Variants in PPP1CC observed in about 807,000 individuals in gnomAD.
PPP1CC encodes protein phosphatase 1 catalytic subunit gamma, also known as serine/threonine-protein phosphatase PP1-gamma catalytic subunit.
A neutral mutation model predicts 38.4 loss-of-function variants in PPP1CC; 16 were observed. That is an observed-to-expected ratio of 0.42 (90% CI 0.28 to 0.63). The LOEUF is 0.63. PPP1CC is among the 30% of genes least tolerant of loss of function. The pLI is 0.25. For missense variants in PPP1CC, 170 were observed against 391.3 expected (o/e 0.43, Z 4.77); for synonymous variants, 158 against 136.0 (o/e 1.16, Z -1.13).
chr12:110,738,289 C>G lies in PPP1CC; in HGVS notation c.55+4364G>C, dbSNP rs140081082. 6.8e-3 allele frequency among the ~76,000 whole-genome samples: 1,034 copies of G among 152,302 alleles called. 1 individual carries two copies. The highest frequency in any genetic ancestry group is 9.3e-3 in the Non-Finnish European group (631 of 68,010). On this transcript the variant is annotated intron_variant, in intron 1 of 6. Coordinates refer to ENST00000335007, the MANE Select transcript of PPP1CC (RefSeq NM_002710.4). Reference sequence around the variant, plus strand: ...AGGTATGATCTTAAAATATCAAACTCTATCCTGGAATTCCATAAGCTCCAT... The same window carrying G: ...AGGTATGATCTTAAAATATCAAACTGTATCCTGGAATTCCATAAGCTCCAT...
Position 110,742,754 on chromosome 12 carries a change from GC to G in PPP1CC, c.-48del. 1 of 1,358,088 alleles carries G rather than the reference GC, an allele frequency of 7.4e-7. No individual in the cohort carries two copies. Among genetic ancestry groups the G allele is most frequent in the Non-Finnish European group, 9.6e-7 (1 of 1,042,094 alleles). The allele number at this position is 1,358,088 out of a possible 1,614,324, so 84.1% of individuals were successfully genotyped here. ...CCCGCAGCGGCGCCGCCGCCGGCTCGCGCCCGGGACTCACACCTCCTTTCCC... is the reference window on the plus strand; with the variant it reads ...CCCGCAGCGGCGCCGCCGCCGGCTCGGCCCGGGACTCACACCTCCTTTCCC... On this transcript the variant is annotated 5_prime_UTR_variant, in exon 1 of 7. Coordinates refer to ENST00000335007, the MANE Select transcript of PPP1CC (RefSeq NM_002710.4).
chr12:110,721,088 T>C lies in PPP1CC; in HGVS notation c.960A>G (p.Gln320=). 6.2e-7 allele frequency: 1 copy of C among 1,613,888 alleles called. No homozygotes were observed. Among genetic ancestry groups the C allele is most frequent in the Non-Finnish European group, 8.5e-7 (1 of 1,179,742 alleles). Residue 320 remains glutamine (Q), a synonymous_variant, in exon 7 of 7, where the codon CAA becomes CAG. Coordinates refer to ENST00000335007, the MANE Select transcript of PPP1CC (RefSeq NM_002710.4). ...VTPPRGMITK[Q]AKK Reference sequence around the variant, plus strand: ...GTCAAAACGACATCTATTTCTTTGCTTGCTTTGTGATCATACCCCTTGGAG... The same window carrying C: ...GTCAAAACGACATCTATTTCTTTGCCTGCTTTGTGATCATACCCCTTGGAG...
chr12:110,734,356 A>G (rs1395332593), intron 1 of PPP1CC, among the ~76,000 whole-genome samples: 2 of 152,110 alleles, frequency 1.3e-5, no homozygotes, highest in Non-Finnish European at 2.9e-5. Context: ...ATATTTATTT[A>G]TTTAGAGACG....
intron 1 of PPP1CC, among the ~76,000 whole-genome samples, chr12:110,737,956 C>T (rs2069967074): frequency 1.3e-5 from 2 of 151,704 alleles, no homozygotes; most frequent in Admixed American, 1.3e-4. Context: ...TTTTTCAAGG[C>T]AGATAGGATG....
rs199731545 is a variant in PPP1CC at position 110,731,780 on chromosome 12, G to T, written c.177C>A (p.Leu59=). Residue 59 remains leucine, a synonymous_variant, in exon 2 of 7, where the codon CTC becomes CTA. Coordinates refer to ENST00000335007, the MANE Select transcript of PPP1CC (RefSeq NM_002710.4). The part of the protein sequence containing the change: ...QPILLELEAP[L]KICGDIHGQY... ...GTGCCCCAAACTTACCACATATTTT[G>T]AGTGGTGCTTCAAGTTCTAGTAGGA... 1.6e-4 allele frequency: 264 copies of T among 1,608,412 alleles called. 2 individuals are homozygous for T. The highest frequency in any genetic ancestry group is 1.7e-4 in the Middle Eastern group (1 of 6,042).
chr12:110,732,528 A>G (rs1312821217), intron 1 of PPP1CC: 1 of 152,320 alleles, frequency 6.6e-6, no homozygotes, highest in African/African-American at 2.4e-5. Flanking sequence ...TAATTTACCT[A>G]TGAAAAAATG....
Position 110,722,799 on chromosome 12 carries a change from C to T in PPP1CC, c.524-104G>A. The T allele has an allele frequency of 1.2e-6, 1 of 838,154 alleles. No homozygotes were observed. The highest frequency in any genetic ancestry group is 1.8e-6 in the Non-Finnish European group (1 of 557,920). 51.9% of individuals were successfully genotyped at this position (838,154 alleles called of 1,614,324 possible). On this transcript the variant is annotated intron_variant, in intron 4 of 6. Transcript: ENST00000335007. This position sits in a 1 kb window ranked among gnomAD's most constrained non-coding sequence, Gnocchi z 5.4. ...CTACAGAGAAATTCAATAATCCTGA[C>T]ATAAAAACTGAAATCTATGATTATA... is the stretch of plus-strand genomic sequence containing the variant.
chr12:110,724,752 T>A lies in PPP1CC; in HGVS notation c.431A>T (p.Tyr144Phe). ...GAAAGTTTTCCATAGTTTAATGTTG[T>A]ATCTTCTTTTACCTGTGATTAAAAA... is the stretch of plus-strand genomic sequence containing the variant. ...YGFYDECKRR[Y>F]NIKLWKTFTD... is the part of the protein sequence containing the mutation. The change falls in exon 4 of 7, where the codon TAC becomes TTC. Residue 144 changes from tyrosine to phenylalanine, a missense_variant. By Grantham distance (22) the Tyr-to-Phe change is conservative. Coordinates refer to ENST00000335007, the MANE Select transcript of PPP1CC (RefSeq NM_002710.4). 6.3e-7 allele frequency: 1 copy of A among 1,582,682 alleles called. No individual in the cohort carries two copies. Among genetic ancestry groups the A allele is most frequent in the Non-Finnish European group, 8.7e-7 (1 of 1,151,676 alleles).
intron 1 of PPP1CC, among the ~76,000 whole-genome samples, chr12:110,739,470 C>T (rs1430727911): frequency 6.6e-6 from 1 of 151,348 alleles, no homozygotes; most frequent in Admixed American, 6.6e-5. Flanking sequence ...AGAATATGAA[C>T]GTTTTATACT....
downstream of PPP1CC, among the ~76,000 whole-genome samples, chr12:110,716,366 T>C (rs1158926063): frequency 6.6e-6 from 1 of 152,142 alleles, no homozygotes; most frequent in African/African-American, 2.4e-5. Flanking sequence ...CTTTTTTTTT[T>C]TTTTGAGATA....
chr12:110,732,279 G>A (rs755828258), intron 1 of PPP1CC: 7 of 286,208 alleles, frequency 2.4e-5, no homozygotes, highest in East Asian at 6.0e-5. Context: ...CCAACATGGC[G>A]TGCACCTGTA....
At chr12:110,723,053 G>GTT (rs2069757749) in intron 4 of PPP1CC, among the ~76,000 whole-genome samples, 1 of 152,218 alleles carries the variant, frequency 6.6e-6, no homozygotes. Flanking sequence ...GGCTTATAAT[G>GTT]ACTGAGCTGA....
chr12:110,713,015 G>A, the PPP1CC span, among the ~76,000 whole-genome samples: 1 of 151,810 alleles, frequency 6.6e-6, no homozygotes, highest in East Asian at 2.0e-4. Context: ...GGAGGTTGCG[G>A]TGAGCCGAGA....
the PPP1CC span, among the ~76,000 whole-genome samples, chr12:110,709,401 T>A: frequency 1.3e-5 from 2 of 151,170 alleles, no homozygotes; most frequent in Admixed American, 1.3e-4. Flanking sequence ...ACTAATTTTT[T>A]GTATTTTTAG....
At chr12:110,712,421 C>T in the PPP1CC span, among the ~76,000 whole-genome samples, 2 of 151,696 alleles carry the variant, frequency 1.3e-5, no homozygotes, top group African/African-American at 4.9e-5. Context: ...GGGTGGATGG[C>T]TTGAGGTCAG....
At position 110,722,271 on chromosome 12, in the gene PPP1CC, T is replaced by C; in HGVS notation, c.748-2A>G. 2 of 1,612,918 alleles carry C rather than the reference T, an allele frequency of 1.2e-6. No individual in the cohort carries two copies. The highest frequency in any genetic ancestry group is 8.5e-7 in the Non-Finnish European group (1 of 1,179,510). On this transcript the variant is annotated splice_acceptor_variant, in intron 5 of 6. Coordinates refer to ENST00000335007, the MANE Select transcript of PPP1CC (RefSeq NM_002710.4). LOFTEE classifies it high-confidence loss of function. This position sits in a 1 kb window ranked among gnomAD's most constrained non-coding sequence, Gnocchi z 5.4. The stretch of plus-strand genomic sequence containing the variant: ...AAATTCATATCCATCTTCAACCACC[T>C]TGAAGAGAAAATTTTTTCAATATAA...
chr12:110,737,305 C>T (rs1012160534), intron 1 of PPP1CC, among the ~76,000 whole-genome samples: 2 of 150,774 alleles, frequency 1.3e-5, no homozygotes, highest in African/African-American at 4.9e-5. Context: ...TGGTAAAACC[C>T]CATCTCTACC....
chr12:110,711,738 A>C, the PPP1CC span, among the ~76,000 whole-genome samples: 1 of 151,798 alleles, frequency 6.6e-6, no homozygotes, highest in African/African-American at 2.4e-5. Flanking sequence ...CAGCCTGACC[A>C]ACATGGAAAA....
intron 6 of PPP1CC, 173 bp from the exon 7 acceptor site, chr12:110,721,338 T>C: frequency 1.8e-6 from 1 of 547,700 alleles, no homozygotes; most frequent in Admixed American, 3.2e-5. Flanking sequence ...ATTTGGTAAT[T>C]AACGCTATGA....
Sources: gnomAD v4.1 joint callset for allele counts (sites outside exome capture counted in the v4.1 genomes callset) on GRCh38, gnomAD v4.1.1 for gene constraint, Gnocchi (gnomAD v3.1) non-coding constraint, MANE v1.5 for transcripts, NCBI Gene and HGNC (gene_info 2026-07-23, HGNC 2026-07-21) for gene names.